CDCP2: variants seen among roughly 807,000 people sequenced by gnomAD.
CDCP2 encodes the protein CUB domain-containing protein 2.
A neutral mutation model predicts 31.0 loss-of-function variants in CDCP2; 31 were observed. The observed-to-expected ratio is 1.00, with a 90% CI of 0.75 to 1.35. CDCP2 has a LOEUF of 1.35. Ranked by LOEUF, CDCP2 falls within the 40% of genes most tolerant of loss-of-function variation. CDCP2 has a pLI of 0.00. For missense variants in CDCP2, 443 were observed against 482.6 expected (o/e 0.92, Z 0.77); for synonymous variants, 206 against 207.9 (o/e 0.99, Z 0.08).
chr1:54,149,804 T>C (rs1279081819), intron 1 of CDCP2, among the ~76,000 whole-genome samples: 1 of 152,206 alleles, frequency 6.6e-6, no homozygotes, highest in Non-Finnish European at 1.5e-5. Flanking sequence ...TGGTGCTTAG[T>C]GTATATTTGC....
At chr1:54,137,684 CGT>C (rs879400047) in intron 4 of CDCP2, 1,061 of 16,902 alleles carry the variant, frequency 0.063, 14 homozygotes, top group African/African-American at 0.11. Context: ...TGTGTGTGTG[CGT>C]GTGTGTGTGT....
intron 5 of CDCP2, among the ~76,000 whole-genome samples, chr1:54,135,465 G>A (rs1354439982): frequency 1.3e-5 from 2 of 152,160 alleles, no homozygotes; most frequent in Non-Finnish European, 2.9e-5. Flanking sequence ...CTGATTTTAT[G>A]TTTCCAAGAT....
chr1:54,143,846 C>T (rs1173121057), intron 2 of CDCP2: 2 of 152,222 alleles, frequency 1.3e-5, no homozygotes, highest in Non-Finnish European at 2.9e-5. Context: ...AGAACAAGGC[C>T]TCCTCTCCCT....
chr1:54,141,053 C>G (rs1425845274), intron 3 of CDCP2, 45 bp downstream of exon 3: 1 of 1,473,008 alleles, frequency 6.8e-7, no homozygotes, highest in Admixed American at 2.4e-5. Flanking sequence ...GACAGGAGCC[C>G]AGTAGGCACA....
intron 4 of CDCP2, among the ~76,000 whole-genome samples, chr1:54,137,139 A>G (rs1421824752): frequency 6.6e-6 from 1 of 152,188 alleles, no homozygotes; most frequent in East Asian, 1.9e-4. Context: ...TCTGCTAATC[A>G]CTTGGCCATG....
exon 5 of CDCP2, chr1:54,136,800 T>C (rs1370151395): frequency 5.0e-6 from 2 of 399,238 alleles, no homozygotes; most frequent in Non-Finnish European, 8.8e-6. Flanking sequence ...CTCACGTTCA[T>C]GGGCACCACT....
chr1:54,144,538 G>A (rs753752686), exon 2 of CDCP2: 5 of 1,612,596 alleles, frequency 3.1e-6, no homozygotes, highest in Non-Finnish European at 4.2e-6. Flanking sequence ...GACATGACAT[G>A]CCAGGAGGAG....
At chr1:54,151,112 A>G (rs1282343903) in intron 1 of CDCP2, among the ~76,000 whole-genome samples, 1 of 152,206 alleles carries the variant, frequency 6.6e-6, no homozygotes, top group Non-Finnish European at 1.5e-5. Flanking sequence ...TTTGTCTAGG[A>G]AGAATGAGAA....
intron 3 of CDCP2, chr1:54,140,486 G>A (rs1265614150): frequency 1.2e-5 from 4 of 345,160 alleles, no homozygotes; most frequent in Non-Finnish European, 2.2e-5. Flanking sequence ...TGCCCCATTT[G>A]GTATGTACTA....
At chr1:54,142,779 C>T (rs910399277) in intron 2 of CDCP2, 8 of 152,226 alleles carry the variant, frequency 5.3e-5, no homozygotes, top group Non-Finnish European at 1.0e-4. Flanking sequence ...CCTTCCAACA[C>T]TAACAACCTT....
rs34182217 is a variant in CDCP2 at position 54,134,747 on chromosome 1, GT to G, written c.1297-1454del. ...TTTTGTTTGTTTTTTGTTTTGTTTT[GT>G]TTTTTGAGACAGAGTCTTGCTCTGT... is the stretch of plus-strand genomic sequence containing the variant. On this transcript the variant is annotated intron_variant, in intron 5 of 5. Transcript: ENST00000530059. Among the ~76,000 whole-genome samples, 6 of 9,378 alleles carry G rather than the reference GT, an allele frequency of 6.4e-4. No individual in the cohort carries two copies. In the East Asian group the frequency reaches 0.11, roughly 170 times the overall value. The allele number at this position is 9,378 out of a possible 152,430, so 6.2% of individuals were successfully genotyped here. A position where few individuals can be genotyped will look rare whatever the true frequency, so the allele number is the denominator to read the frequency against.
intron 5 of CDCP2, among the ~76,000 whole-genome samples, chr1:54,134,261 C>A (rs892939072): frequency 6.6e-6 from 1 of 152,228 alleles, no homozygotes. Context: ...CCTTTTCTCC[C>A]GATGATATCT....
exon 2 of CDCP2, chr1:54,144,645 C>T (rs1659430844): frequency 1.2e-6 from 2 of 1,613,326 alleles, no homozygotes; most frequent in Middle Eastern, 1.7e-4. Flanking sequence ...GTCGAAGCTG[C>T]AGGTGTCGTG....
At chr1:54,144,737 G>A in exon 2 of CDCP2, 1 of 1,614,224 alleles carries the variant, frequency 6.2e-7, no homozygotes, top group Non-Finnish European at 8.5e-7. Context: ...ACTCTGTGTT[G>A]TAGGGGTACA....
chr1:54,137,044 C>T (rs1180255978), intron 4 of CDCP2, among the ~76,000 whole-genome samples: 2 of 152,250 alleles, frequency 1.3e-5, no homozygotes, highest in Non-Finnish European at 2.9e-5. Flanking sequence ...ATCCTCTCAG[C>T]GTCCTCTGGG....
chr1:54,139,719 C>T (rs909182596), intron 4 of CDCP2, 34 bp downstream of exon 4: 10 of 1,614,086 alleles, frequency 6.2e-6, no homozygotes, highest in Admixed American at 3.3e-5. Context: ...CTCCCCTTCG[C>T]CCTCAGTGGA....
At chr1:54,144,134 G>A (rs1414484880) in intron 2 of CDCP2, 9 of 233,122 alleles carry the variant, frequency 3.9e-5, no homozygotes, top group African/African-American at 1.6e-4. Context: ...TAGGAGAAAC[G>A]GAGGCGGCAT....
intron 1 of CDCP2, among the ~76,000 whole-genome samples, chr1:54,150,454 G>T (rs1334612226): frequency 1.3e-5 from 2 of 152,094 alleles, no homozygotes; most frequent in African/African-American, 4.8e-5. Flanking sequence ...AATTGGCCAG[G>T]CATGTTGGCG....
rs1659373549 is a variant in CDCP2, at chr1:54,141,432, A to G, written c.429T>C (p.Asp143=). Reference sequence around the variant, plus strand: ...GGCCAGTCAGGACGCCGCCACACACATCTGCAAGGGAGCCCACTTGAGCTG... The same window carrying G: ...GGCCAGTCAGGACGCCGCCACACACGTCTGCAAGGGAGCCCACTTGAGCTG... The change falls in exon 3 of 6, where the codon GAT becomes GAC. Residue 143 remains aspartate (D), a splice_region_variant and synonymous_variant. Coordinates refer to ENST00000530059, the Ensembl canonical transcript of CDCP2. 7 of 1,598,906 alleles carry G rather than the reference A, an allele frequency of 4.4e-6. No homozygotes were observed. In the East Asian group the frequency reaches 1.3e-4, roughly 31 times the overall value.
Sources: gnomAD v4.1 joint callset for allele counts (sites outside exome capture counted in the v4.1 genomes callset) on GRCh38, gnomAD v4.1.1 for gene constraint, MANE v1.5 for transcripts, NCBI Gene and HGNC (gene_info 2026-07-23, HGNC 2026-07-21) for gene names.